The following SNX29 variants were observed in gnomAD, a reference collection of about 807,000 sequenced individuals.
The protein encoded by SNX29 is sorting nexin 29.
A neutral mutation model predicts 102.1 loss-of-function variants in SNX29; 78 were observed. The ratio of observed to expected loss-of-function variants is 0.76; its 90% CI spans 0.64 to 0.92. SNX29 has a LOEUF of 0.92. Ranked by LOEUF, SNX29 falls within the 40% of genes least tolerant of loss-of-function variation. The pLI is 0.00. For missense variants in SNX29, 1,280 were observed against 1,061.7 expected, an observed-to-expected ratio of 1.21 and a Z score of -2.86; for synonymous variants, 580 against 414.5, an observed-to-expected ratio of 1.40 and a Z score of -4.85.
chr16:12,558,004 G>C (rs1028915032), intron 20 of SNX29, among the ~76,000 whole-genome samples: 4 of 152,140 alleles, frequency 2.6e-5, no homozygotes, highest in East Asian at 1.9e-4. Context: ...TGGTTGGGCT[G>C]GGTGCTGCAG....
At chr16:12,403,605 C>A in intron 18 of SNX29, 76 bp downstream of exon 18, 1 of 1,405,470 alleles carries the variant, frequency 7.1e-7, no homozygotes. Context: ...GTGCTTTTTG[C>A]CTCTTGGTGG....
At position 12,281,966 on chromosome 16, in the gene SNX29, C is replaced by A. The variant is rs2079444965; in HGVS notation, c.1782+3930C>A. ...GGTCATGGTGGCATATGTCTATAGTCCCCAGCTACTTGGGAGGCTGAGGCA... is the reference window on the plus strand; with the variant it reads ...GGTCATGGTGGCATATGTCTATAGTACCCAGCTACTTGGGAGGCTGAGGCA... On this transcript the variant is annotated intron_variant, in intron 15 of 20. Transcript: ENST00000566228. 1.3e-5 allele frequency among the ~76,000 whole-genome samples: 2 copies of A among 151,594 alleles called. 1 individual carries two copies. The highest frequency in any genetic ancestry group is 4.2e-4 in the South Asian group (2 of 4,776).
At chr16:12,027,998 A>G (rs1203466664) in intron 4 of SNX29, among the ~76,000 whole-genome samples, 3 of 152,198 alleles carry the variant, frequency 2.0e-5, no homozygotes, top group East Asian at 3.8e-4. Flanking sequence ...GACTGTTATT[A>G]CTGCCACTGT....
intron 14 of SNX29, among the ~76,000 whole-genome samples, chr16:12,239,214 G>T (rs1241920064): frequency 2.0e-5 from 3 of 152,194 alleles, no homozygotes; most frequent in African/African-American, 7.2e-5. Context: ...TAGAGGTAGT[G>T]CTGGAGGTAG....
chr16:12,044,437 T>A (rs2151187286), intron 5 of SNX29, among the ~76,000 whole-genome samples: 1 of 152,250 alleles, frequency 6.6e-6, no homozygotes, highest in South Asian at 2.1e-4. Context: ...ACTCTATGGG[T>A]CCAAAATGGG....
chr16:12,442,157 G>A (rs1205610252), intron 18 of SNX29, among the ~76,000 whole-genome samples: 5 of 152,102 alleles, frequency 3.3e-5, no homozygotes, highest in African/African-American at 7.2e-5. Context: ...TCCCAGCACA[G>A]TTTGTTTAAA....
chr16:12,459,099 C>T (rs1208680703), intron 18 of SNX29, among the ~76,000 whole-genome samples: 1 of 128,274 alleles, frequency 7.8e-6, no homozygotes, highest in Non-Finnish European at 1.7e-5. Flanking sequence ...CCTCCTCCCA[C>T]CGTTTCACTC....
chr16:12,087,395 C>T, intron 11 of SNX29: 1 of 170,610 alleles, frequency 5.9e-6, no homozygotes, highest in Non-Finnish European at 1.3e-5. Context: ...CCAGCCTGGG[C>T]AACAGAGTGA....
At chr16:11,976,927 C>A in intron 1 of SNX29, 114 bp downstream of exon 1, 1 of 1,246,382 alleles carries the variant, frequency 8.0e-7, no homozygotes, top group Non-Finnish European at 1.0e-6. Context: ...GACCCCCTCC[C>A]AGTCGCTCCC....
At chr16:12,519,423 G>T (rs1399912160) in intron 19 of SNX29, among the ~76,000 whole-genome samples, 1 of 152,146 alleles carries the variant, frequency 6.6e-6, no homozygotes, top group Non-Finnish European at 1.5e-5. Context: ...AAACTCAAAC[G>T]TTTAAACACA....
At chr16:12,350,454 C>T (rs2081961827) in intron 15 of SNX29, among the ~76,000 whole-genome samples, 1 of 152,092 alleles carries the variant, frequency 6.6e-6, no homozygotes, top group Non-Finnish European at 1.5e-5. Flanking sequence ...TACTGGAGTG[C>T]CCATGGATTT....
chr16:12,027,513 T>G lies in SNX29; in HGVS notation c.247+69T>G, dbSNP rs534573126. On this transcript the variant is annotated intron_variant, in intron 4 of 20. Coordinates refer to ENST00000566228, the MANE Select transcript of SNX29 (RefSeq NM_032167.5). The stretch of plus-strand genomic sequence containing the variant: ...TCTGCTCTTTTTCTTTTTATTTATT[T>G]TTTAATAGTGGGCAGGGCAGTGATC... 4 of 1,583,414 alleles carry G rather than the reference T, an allele frequency of 2.5e-6. No individual in the cohort carries two copies. The South Asian group carries it at 4.5e-5, about 18-fold the overall frequency.
At chr16:12,472,885 C>T (rs1022513722) in intron 18 of SNX29, among the ~76,000 whole-genome samples, 2 of 152,132 alleles carry the variant, frequency 1.3e-5, no homozygotes, top group Admixed American at 6.5e-5. Flanking sequence ...GGGTTTGCCC[C>T]GATGCCCGAT....
intron 14 of SNX29, among the ~76,000 whole-genome samples, chr16:12,273,619 A>G (rs547586854): frequency 5.3e-5 from 8 of 152,030 alleles, no homozygotes; most frequent in African/African-American, 1.4e-4. Flanking sequence ...CAACCTCCCA[A>G]TGTGCTGGGA....
rs779031320 is a variant in SNX29 at position 12,403,484 on chromosome 16, A to G, written c.1992A>G (p.Ser664=). The part of the protein sequence containing the change: ...NRALINVWIP[S]VFLRGKAANA... ...CGCTGATCAACGTCTGGATCCCCTC[A>G]GTGTTTCTCCGGGGCAAAGCAGCAA... Residue 664 remains serine (S), a synonymous_variant, in exon 18 of 21, where the codon TCA becomes TCG. Coordinates refer to ENST00000566228, the MANE Select transcript of SNX29 (RefSeq NM_032167.5). 28 of 1,608,662 alleles carry G rather than the reference A, an allele frequency of 1.7e-5. No homozygotes were observed. The highest frequency in any genetic ancestry group is 3.4e-5 in the South Asian group (3 of 89,494).
At chr16:12,239,907 A>C (rs2078050376) in intron 14 of SNX29, among the ~76,000 whole-genome samples, 1 of 152,214 alleles carries the variant, frequency 6.6e-6, no homozygotes, top group Non-Finnish European at 1.5e-5. Flanking sequence ...AATCACTTGT[A>C]ATCTCATCAC....
At chr16:12,205,693 C>T (rs1485256331) in intron 14 of SNX29, among the ~76,000 whole-genome samples, 1 of 152,234 alleles carries the variant, frequency 6.6e-6, no homozygotes, top group Non-Finnish European at 1.5e-5. Flanking sequence ...TTACCTTGTG[C>T]TGCCTCCCTC....
intron 19 of SNX29, among the ~76,000 whole-genome samples, chr16:12,495,857 G>A (rs1259539783): frequency 6.6e-6 from 1 of 152,108 alleles, no homozygotes; most frequent in Non-Finnish European, 1.5e-5. Flanking sequence ...TGTTTGAACT[G>A]GCCTGGCAAA....
At chr16:12,226,244 A>T (rs920716810) in intron 14 of SNX29, among the ~76,000 whole-genome samples, 4 of 152,222 alleles carry the variant, frequency 2.6e-5, no homozygotes, top group Non-Finnish European at 5.9e-5. Context: ...GGAGTTTGGG[A>T]TGTCGTAACC....
Sources: allele counts gnomAD v4.1 joint callset (sites outside exome capture counted in the v4.1 genomes callset), GRCh38; gene constraint gnomAD v4.1.1; transcripts MANE v1.5; gene names NCBI Gene and HGNC (gene_info 2026-07-23, HGNC 2026-07-21).